LARGE1: variants seen among roughly 807,000 people sequenced by gnomAD.
LARGE1 encodes LARGE xylosyl- and glucuronyltransferase 1.
In LARGE1, 43 loss-of-function variants were observed where a neutral mutation model predicts 87.6. That is an observed-to-expected ratio of 0.49 (90% confidence interval 0.38 to 0.63). LARGE1 has a LOEUF of 0.63. Ranked by LOEUF, LARGE1 falls within the 30% of genes least tolerant of loss-of-function variation. The probability of loss-of-function intolerance (pLI) is 0.00; values close to 1 mark genes in which losing one functional copy is unlikely to be tolerated. For missense variants in LARGE1, 802 were observed against 1,000.2 expected, an observed-to-expected ratio of 0.80 and a Z score of 2.67; for synonymous variants, 434 against 394.6, an observed-to-expected ratio of 1.10 and a Z score of -1.18.
chr22:33,887,340 G>A (rs1329495319), intron 1 of LARGE1, among the ~76,000 whole-genome samples: 1 of 152,198 alleles, frequency 6.6e-6, no homozygotes, highest in Non-Finnish European at 1.5e-5. Context: ...GACGCAATGA[G>A]AAGGCCAAGA....
chr22:33,429,443 C>T (rs907214980), intron 7 of LARGE1, among the ~76,000 whole-genome samples: 2 of 152,258 alleles, frequency 1.3e-5, no homozygotes, highest in East Asian at 1.9e-4. Flanking sequence ...AGGTGGTTTA[C>T]GTGCTCCTGT....
chr22:33,723,512 A>C (rs1039227417), intron 2 of LARGE1, among the ~76,000 whole-genome samples: 2 of 152,204 alleles, frequency 1.3e-5, no homozygotes, highest in Non-Finnish European at 2.9e-5. Context: ...GTGCTTGCTG[A>C]TTCCAAAAAC....
intron 6 of LARGE1, among the ~76,000 whole-genome samples, chr22:33,545,137 T>C (rs564644204): frequency 2.1e-4 from 32 of 151,922 alleles, no homozygotes; most frequent in Non-Finnish European, 3.7e-4. Context: ...ACGAATTCAT[T>C]CTCTCACTCT....
At chr22:33,514,984 G>A (rs150293440) in intron 6 of LARGE1, among the ~76,000 whole-genome samples, 3 of 152,094 alleles carry the variant, frequency 2.0e-5, no homozygotes, top group African/African-American at 7.2e-5. Context: ...GGATCTCCTC[G>A]CAGGCACGTA....
intron 1 of LARGE1, among the ~76,000 whole-genome samples, chr22:33,882,882 T>C (rs761728669): frequency 6.6e-5 from 10 of 152,144 alleles, no homozygotes; most frequent in Non-Finnish European, 1.2e-4. Flanking sequence ...CTCTTTTAAC[T>C]AATCACTCCA....
At chr22:33,527,148 C>T (rs1412029234) in intron 6 of LARGE1, among the ~76,000 whole-genome samples, 5 of 152,138 alleles carry the variant, frequency 3.3e-5, no homozygotes, top group African/African-American at 7.2e-5. Context: ...CCCAGCTACT[C>T]GGGCGGCTGA....
At chr22:33,315,504 T>C (rs1486285152) in intron 11 of LARGE1, among the ~76,000 whole-genome samples, 1 of 151,988 alleles carries the variant, frequency 6.6e-6, no homozygotes, top group Non-Finnish European at 1.5e-5. Flanking sequence ...GTAATTCGAG[T>C]CGGGCTCTAC....
At chr22:33,197,588 T>C (rs1044745006) in intron 11 of LARGE1, among the ~76,000 whole-genome samples, 4 of 151,966 alleles carry the variant, frequency 2.6e-5, no homozygotes, top group Non-Finnish European at 5.9e-5. Context: ...ATAAAAGAAG[T>C]ATAATAGCCC....
chr22:33,716,793 G>A (rs2082921134), intron 2 of LARGE1, among the ~76,000 whole-genome samples: 1 of 152,114 alleles, frequency 6.6e-6, no homozygotes, highest in Admixed American at 6.5e-5. Flanking sequence ...TTAACAACCG[G>A]TTCCTAGGAA....
At chr22:33,901,299 C>G (rs372373568) in intron 1 of LARGE1, among the ~76,000 whole-genome samples, 5 of 152,024 alleles carry the variant, frequency 3.3e-5, no homozygotes, top group African/African-American at 1.2e-4. Context: ...GCCTCCAGAA[C>G]TGTGAGACAA....
At chr22:33,585,486 G>A (rs1278776355) in intron 5 of LARGE1, among the ~76,000 whole-genome samples, 1 of 152,148 alleles carries the variant, frequency 6.6e-6, no homozygotes, top group Non-Finnish European at 1.5e-5. Context: ...TGGGGGAGAA[G>A]ATTCCCTGTT....
intron 11 of LARGE1, among the ~76,000 whole-genome samples, chr22:33,310,612 G>A (rs1049913553): frequency 4.6e-5 from 7 of 152,148 alleles, no homozygotes; most frequent in Non-Finnish European, 8.8e-5. Flanking sequence ...CTTCTGACTC[G>A]AAGGTTTACA....
In LARGE1 at chr22:33,273,585, C is replaced by T. The variant is rs1354455899; in HGVS notation, c.*842G>A. 1.5e-5 allele frequency: 6 copies of T among 398,632 alleles called. No homozygotes were observed. Among genetic ancestry groups the T allele is most frequent in the East Asian group, 1.1e-4 (3 of 28,096 alleles). The allele number at this position is 398,632 out of a possible 1,614,324, so 24.7% of individuals were successfully genotyped here. On this transcript the variant is annotated 3_prime_UTR_variant, in exon 15 of 15. Coordinates refer to ENST00000397394, the MANE Select transcript of LARGE1 (RefSeq NM_133642.5). The stretch of plus-strand genomic sequence containing the variant: ...AATTCCGCAGTCCCCATCGCTATAG[C>T]CCCTGGATTCTGGAGAGTAGGGAGT...
At chr22:33,654,229 C>A (rs2080898099) in intron 2 of LARGE1, among the ~76,000 whole-genome samples, 1 of 152,204 alleles carries the variant, frequency 6.6e-6, no homozygotes, top group Admixed American at 6.5e-5. Context: ...AAGCAACATT[C>A]ATGCTGTGCC....
chr22:33,880,861 C>T (rs2064659129), intron 1 of LARGE1, among the ~76,000 whole-genome samples: 2 of 152,128 alleles, frequency 1.3e-5, no homozygotes, highest in African/African-American at 4.8e-5. Flanking sequence ...GGACAGCCAA[C>T]CCAGCAGCAG....
At chr22:33,699,857 A>C (rs1212145260) in intron 2 of LARGE1, among the ~76,000 whole-genome samples, 1 of 152,204 alleles carries the variant, frequency 6.6e-6, no homozygotes, top group Admixed American at 6.5e-5. Context: ...TGTTTGGAAA[A>C]AAATTGAAAA....
intron 12 of LARGE1, among the ~76,000 whole-genome samples, chr22:33,284,255 G>C (rs564671604): frequency 2.0e-5 from 3 of 152,336 alleles, no homozygotes; most frequent in African/African-American, 7.2e-5. Context: ...GGTGGACAGA[G>C]AGCCGATGAG....
chr22:33,465,059 C>T (rs529955528), intron 6 of LARGE1, among the ~76,000 whole-genome samples: 10 of 152,182 alleles, frequency 6.6e-5, no homozygotes. Flanking sequence ...AAATGGCAAA[C>T]ATCCAAATGT....
chr22:33,627,729 C>T (rs146734475), intron 3 of LARGE1, among the ~76,000 whole-genome samples: 2,633 of 152,262 alleles, frequency 0.017, 41 homozygotes, highest in Middle Eastern at 0.041. Flanking sequence ...CCATCCCACA[C>T]CCTCCAATCC....
Sources: gnomAD v4.1 joint callset for allele counts (sites outside exome capture counted in the v4.1 genomes callset) on GRCh38, gnomAD v4.1.1 for gene constraint, MANE v1.5 for transcripts, NCBI Gene and HGNC (gene_info 2026-07-23, HGNC 2026-07-21) for gene names.